Variants in FOXRED2 observed in about 807,000 individuals in gnomAD.
FOXRED2 encodes FAD-dependent oxidoreductase domain-containing protein 2.
A neutral mutation model predicts 52.5 loss-of-function variants in FOXRED2; 32 were observed. That is an observed-to-expected ratio of 0.61 (90% CI 0.46 to 0.82). The LOEUF is 0.82. FOXRED2 is among the 40% of genes least tolerant of loss of function. The pLI, the probability that FOXRED2 is intolerant of heterozygous loss-of-function variation, is 0.00. For missense variants in FOXRED2, 848 were observed against 937.5 expected, an observed-to-expected ratio of 0.90 and a Z score of 1.25; for synonymous variants, 405 against 398.1, an observed-to-expected ratio of 1.02 and a Z score of -0.21.
chr22:36,504,760 G>A lies in FOXRED2; in HGVS notation c.534C>T (p.Leu178=). The A allele has an allele frequency of 6.2e-7, 1 of 1,614,072 alleles. No individual in the cohort carries two copies. The highest frequency in any genetic ancestry group is 1.3e-5 in the African/African-American group (1 of 75,042). Residue 178 remains leucine (L), a synonymous_variant, in exon 3 of 9, where the codon CTC becomes CTT. Coordinates refer to ENST00000397224, the MANE Select transcript of FOXRED2 (RefSeq NM_001102371.2). ...GGACTGATAAACCAGTGGCTACAAA[G>A]AGGACGCTGCAGGCGGGGACAGAGG... ...QKGQVHQCSV[L]FVATGLSVPN...
In FOXRED2 at chr22:36,496,105, T is replaced by G. The variant is rs536359578; in HGVS notation, c.1486A>C (p.Asn496His). Residue 496 changes from asparagine (N) to histidine (H), a missense_variant, in exon 7 of 9, where the codon AAC (asparagine) becomes CAC (histidine). Transcript: ENST00000397224. ...RKAKHGLFVI[N>H]MEYGRNFSGP... Reference sequence around the variant, plus strand: ...GAGAAATTTCTGCCATATTCCATGTTGATGACGAAGAGCCCGTGCTTTGCC... The same window carrying G: ...GAGAAATTTCTGCCATATTCCATGTGGATGACGAAGAGCCCGTGCTTTGCC... The G allele has an allele frequency of 2.0e-5, 33 of 1,614,244 alleles. No homozygotes were observed. The South Asian group carries it at 2.9e-4, about 14-fold the overall frequency.
intron 2 of FOXRED2, 64 bp from the exon 3 acceptor site, chr22:36,504,830 C>A: frequency 1.3e-6 from 2 of 1,565,632 alleles, no homozygotes; most frequent in Non-Finnish European, 1.7e-6. Flanking sequence ...AAGTGAAAAC[C>A]ACTCCCTGGA....
intron 5 of FOXRED2, among the ~76,000 whole-genome samples, chr22:36,498,854 A>C (rs1933973451): frequency 6.7e-6 from 1 of 149,916 alleles, no homozygotes; most frequent in Non-Finnish European, 1.5e-5. Context: ...CTTTGCCCGT[A>C]CTGTAAGACC....
chr22:36,495,754 C>T (rs8142275), intron 7 of FOXRED2, among the ~76,000 whole-genome samples: 107 of 152,374 alleles, frequency 7.0e-4, no homozygotes, highest in African/African-American at 2.5e-3. Flanking sequence ...CGACACCCCC[C>T]GCATGGCCTG....
chr22:36,501,577 G>C (rs1246977575), intron 4 of FOXRED2, among the ~76,000 whole-genome samples, 170 bp from the exon 5 acceptor site: 1 of 151,912 alleles, frequency 6.6e-6, no homozygotes, highest in Non-Finnish European at 1.5e-5. Context: ...TATCCTGCCT[G>C]AGCCTCCCGA....
At position 36,501,377 on chromosome 22, in the gene FOXRED2, G is replaced by T. The variant is rs149012297; in HGVS notation, c.1080C>A (p.Phe360Leu). The change falls in exon 5 of 9, where the codon TTC becomes TTA. Residue 360 changes from phenylalanine (F) to leucine (L), a missense_variant. Transcript: ENST00000397224. ...KSLRLNSGNA[F>L]GKKYPLIRAS... Reference sequence around the variant, plus strand: ...CTCGAATCAGCGGGTACTTCTTGCCGAATGCATTTCCCGAGTTAAGTCTGA... The same window carrying T: ...CTCGAATCAGCGGGTACTTCTTGCCTAATGCATTTCCCGAGTTAAGTCTGA... 1.9e-6 allele frequency: 3 copies of T among 1,614,018 alleles called. No individual in the cohort carries two copies. The highest frequency in any genetic ancestry group is 3.3e-5 in the Admixed American group (2 of 59,986).
At chr22:36,506,495 C>T in intron 1 of FOXRED2, 72 bp from the exon 2 acceptor site, 1 of 1,353,052 alleles carries the variant, frequency 7.4e-7, no homozygotes. Flanking sequence ...CAGAAAGAGG[C>T]GGGGCCTGCG....
intron 1 of FOXRED2, 28 bp from the exon 2 acceptor site, chr22:36,506,451 C>CG: frequency 1.4e-6 from 2 of 1,417,446 alleles, no homozygotes; most frequent in Non-Finnish European, 1.8e-6. Context: ...GGTAAGGCCT[C>CG]GCACCCGGCC....
intron 7 of FOXRED2, among the ~76,000 whole-genome samples, chr22:36,494,658 G>C (rs1933846223): frequency 6.7e-6 from 1 of 148,998 alleles, no homozygotes; most frequent in Non-Finnish European, 1.5e-5. Context: ...CTTTTTTTTT[G>C]AGACAGAGTC....
chr22:36,492,914 C>A (rs1248463471), intron 8 of FOXRED2, among the ~76,000 whole-genome samples: 1 of 152,208 alleles, frequency 6.6e-6, no homozygotes, highest in Admixed American at 6.5e-5. Flanking sequence ...ATAAGCAGGG[C>A]CTACTGGTTG....
chr22:36,501,094 G>A, intron 5 of FOXRED2, 147 bp downstream of exon 5: 1 of 848,418 alleles, frequency 1.2e-6, no homozygotes, highest in East Asian at 2.5e-5. Flanking sequence ...ACAAAAACCT[G>A]TTGTCACTTC....
chr22:36,501,937 G>A lies in FOXRED2; in HGVS notation c.1050-530C>T, dbSNP rs557138823. Among the ~76,000 whole-genome samples the A allele has an allele frequency of 6.0e-5, 9 of 150,386 alleles. No homozygotes were observed. The East Asian group carries it at 8.0e-4, about 13-fold the overall frequency. ...TCCCAGCACTTTGGTAGGCCGAGGC[G>A]GGCGAGTCACAAGGTCAGGAGTTCG... On this transcript the variant is annotated intron_variant, in intron 4 of 8. Coordinates refer to ENST00000397224, the MANE Select transcript of FOXRED2 (RefSeq NM_001102371.2).
intron 7 of FOXRED2, among the ~76,000 whole-genome samples, chr22:36,494,767 G>A (rs956445335): frequency 3.3e-5 from 5 of 149,848 alleles, no homozygotes; most frequent in Admixed American, 1.3e-4. Context: ...AGCCTCCCTA[G>A]TAGCTGGGAC....
At chr22:36,497,087 C>T (rs1013850549) in intron 6 of FOXRED2, among the ~76,000 whole-genome samples, 3 of 151,924 alleles carry the variant, frequency 2.0e-5, no homozygotes, top group African/African-American at 4.8e-5. Context: ...GGCTGAGACA[C>T]GAGAATCGCT....
intron 3 of FOXRED2, 72 bp downstream of exon 3, chr22:36,504,443 G>T (rs1012922501): frequency 6.2e-7 from 1 of 1,607,922 alleles, no homozygotes; most frequent in African/African-American, 1.3e-5. Flanking sequence ...GGAAGGGCAG[G>T]GGAGGGTTGG....
chr22:36,491,612 C>T (rs559097618), intron 8 of FOXRED2, among the ~76,000 whole-genome samples: 6 of 152,170 alleles, frequency 3.9e-5, no homozygotes, highest in Admixed American at 3.9e-4. Flanking sequence ...ACCATGTTGG[C>T]CTGGCTTGTC....
rs760712789 is a variant in FOXRED2, at chr22:36,506,232, C to G, written c.191G>C (p.Arg64Pro). The change falls in exon 2 of 9, where the codon CGG (arginine) becomes CCG (proline). Residue 64 changes from arginine to proline, a missense_variant. Arg to Pro is a moderately radical substitution (Grantham distance 103, BLOSUM62 -2). Transcript: ENST00000397224. ...RDYAVFERAPRPGSFFTRYPR... is the reference protein window; with the variant it reads ...RDYAVFERAPPPGSFFTRYPR... Reference sequence around the variant, plus strand: ...GTAGCGTGTGAAGAAGCTGCCGGGCCGCGGGGCCCGCTCGAACACTGCGTA... The same window carrying G: ...GTAGCGTGTGAAGAAGCTGCCGGGCGGCGGGGCCCGCTCGAACACTGCGTA... 6.2e-7 allele frequency: 1 copy of G among 1,613,674 alleles called. No individual in the cohort carries two copies. The highest frequency in any genetic ancestry group is 8.5e-7 in the Non-Finnish European group (1 of 1,179,870).
chr22:36,504,577 G>A lies in FOXRED2; in HGVS notation c.717C>T (p.Ile239=). The part of the protein sequence containing the change: ...AENILGVTNF[I]HMLSRSRVRL... ...GGACCCGGGAGCGGCTGAGCATATG[G>A]ATAAAGTTTGTGACACCCAAGATGT... The change falls in exon 3 of 9, where the codon ATC becomes ATT. Residue 239 remains isoleucine (I), a synonymous_variant. Coordinates refer to ENST00000397224, the MANE Select transcript of FOXRED2 (RefSeq NM_001102371.2). 1 of 1,614,190 alleles carries A rather than the reference G, an allele frequency of 6.2e-7. No homozygotes were observed. The highest frequency in any genetic ancestry group is 8.5e-7 in the Non-Finnish European group (1 of 1,180,032).
intron 3 of FOXRED2, 44 bp downstream of exon 3, chr22:36,504,471 T>G (rs1469722933): frequency 1.2e-6 from 2 of 1,610,764 alleles, no homozygotes; most frequent in African/African-American, 2.7e-5. Context: ...CTTTCCACAC[T>G]CTGGGCTCCC....
Sources: allele counts gnomAD v4.1 joint callset (sites outside exome capture counted in the v4.1 genomes callset), GRCh38; gene constraint gnomAD v4.1.1; transcripts MANE v1.5; gene names NCBI Gene and HGNC (gene_info 2026-07-23, HGNC 2026-07-21).